The following PHF14 variants were observed in gnomAD, a reference collection of about 807,000 sequenced individuals.
PHF14 encodes the protein PHD finger protein 14.
In PHF14, 55 loss-of-function variants were observed where a neutral mutation model predicts 117.9. The observed-to-expected ratio is 0.47, with a 90% CI of 0.38 to 0.58. The LOEUF (loss-of-function observed/expected upper bound fraction) is 0.58. Among genes scored for constraint, PHF14 ranks in the 20% least tolerant of loss-of-function variants. The pLI is 0.00. For missense variants in PHF14, 978 were observed against 1,122.2 expected (o/e 0.87, Z 1.84); for synonymous variants, 409 against 368.6 (o/e 1.11, Z -1.26).
chr7:11,108,031 G>A (rs1787328306), intron 16 of PHF14: 1 of 151,610 alleles, frequency 6.6e-6, no homozygotes, highest in South Asian at 2.1e-4. Flanking sequence ...TTACAAAGTG[G>A]TATTTGTGTG....
chr7:10,980,818 T>C (rs1280473836), intron 2 of PHF14, among the ~76,000 whole-genome samples: 1 of 152,220 alleles, frequency 6.6e-6, no homozygotes, highest in Non-Finnish European at 1.5e-5. Flanking sequence ...TGTTCCATGT[T>C]ACCCTTGAAA....
At chr7:10,997,002 T>C (rs1782676847) in intron 4 of PHF14, among the ~76,000 whole-genome samples, 1 of 152,204 alleles carries the variant, frequency 6.6e-6, no homozygotes, top group African/African-American at 2.4e-5. Context: ...CTCAGGAATA[T>C]TGAGTTCTAA....
rs182289966 is a variant in PHF14 at position 11,122,518 on chromosome 7, T to C, written c.2772+11051T>C. ...CATATAAATTCTTCAGAACCCTATC[T>C]TTATGCCCTACAATTATTTCCCTTT... On this transcript the variant is annotated intron_variant, in intron 17 of 17. Coordinates refer to ENST00000634607, the MANE Select transcript of PHF14 (RefSeq NM_001007157.2). Among the ~76,000 whole-genome samples, 723 of 150,110 alleles carry C rather than the reference T, an allele frequency of 4.8e-3. 2 individuals carry two copies. Among genetic ancestry groups the C allele is most frequent in the Non-Finnish European group, 6.5e-3 (442 of 67,610 alleles).
intron 17 of PHF14, among the ~76,000 whole-genome samples, chr7:11,131,932 T>C (rs1788101082): frequency 6.6e-6 from 1 of 151,812 alleles, no homozygotes; most frequent in Non-Finnish European, 1.5e-5. Flanking sequence ...GTTACAACAA[T>C]GGACTACTGG....
At chr7:10,976,137 G>A (rs1191265700) in intron 2 of PHF14, among the ~76,000 whole-genome samples, 1 of 152,180 alleles carries the variant, frequency 6.6e-6, no homozygotes, top group Non-Finnish European at 1.5e-5. Context: ...CTGTTTATCT[G>A]CTTGGATCCC....
At chr7:11,049,083 C>T (rs949321988) in intron 13 of PHF14, among the ~76,000 whole-genome samples, 3 of 152,066 alleles carry the variant, frequency 2.0e-5, no homozygotes, top group East Asian at 3.8e-4. Context: ...CAAAACAAAA[C>T]AATGATTTAT....
At chr7:11,014,985 C>T (rs981184609) in intron 5 of PHF14, 2 of 140,184 alleles carry the variant, frequency 1.4e-5, no homozygotes, top group Non-Finnish European at 3.0e-5. Context: ...CACGCTCTGC[C>T]TCTTCCTCTC....
At chr7:11,029,634 A>G (rs1158833353) in intron 7 of PHF14, among the ~76,000 whole-genome samples, 2 of 152,152 alleles carry the variant, frequency 1.3e-5, no homozygotes, top group East Asian at 1.9e-4. Context: ...AAATTAATGA[A>G]TATTGCAAAA....
Position 10,982,636 on chromosome 7 carries a change from A to G in PHF14, c.377A>G (p.Glu126Gly). The G allele has an allele frequency of 6.5e-7, 1 of 1,548,134 alleles. No homozygotes were observed. Among genetic ancestry groups the G allele is most frequent in the Non-Finnish European group, 8.8e-7 (1 of 1,142,594 alleles). The change falls in exon 3 of 18, where the codon GAG becomes GGG. Residue 126 changes from glutamate (E) to glycine (G), a missense_variant. By Grantham distance (98) the Glu-to-Gly change is moderately conservative. This residue lies in a region of PHF14 where 414 missense variants were observed against 376.4 expected (regional missense o/e 1.10). Transcript: ENST00000634607. ...GAGAAGGAAAAAGAAAAGGAAAAGG[A>G]GAAAGAGAAGGAAAGAGAGAAGGAA... ...EKEKEKEKEK[E>G]KEKEREKEKE... is the part of the protein sequence containing the mutation.
intron 16 of PHF14, chr7:11,063,229 G>A: frequency 1.0e-6 from 1 of 984,464 alleles, no homozygotes; most frequent in Non-Finnish European, 1.2e-6. Flanking sequence ...TTTTGAGGTA[G>A]TTCATGTAGA....
chr7:11,066,263 C>T (rs1016973585), intron 16 of PHF14, among the ~76,000 whole-genome samples: 8 of 152,070 alleles, frequency 5.3e-5, no homozygotes, highest in African/African-American at 1.9e-4. Context: ...TCTCGTTATT[C>T]TGATTATAAT....
chr7:11,065,307 G>A (rs1203057237), intron 16 of PHF14, among the ~76,000 whole-genome samples: 2 of 152,062 alleles, frequency 1.3e-5, no homozygotes, highest in African/African-American at 4.8e-5. Context: ...GAATTGGGAA[G>A]TCTTAAAGGC....
intron 4 of PHF14, among the ~76,000 whole-genome samples, chr7:11,012,772 A>G (rs972054605): frequency 6.6e-5 from 10 of 152,196 alleles, no homozygotes; most frequent in African/African-American, 2.2e-4. Context: ...AGAGAATGAC[A>G]TATTGTTTTC....
chr7:11,070,744 G>A (rs1453177210), intron 16 of PHF14, among the ~76,000 whole-genome samples: 1 of 152,198 alleles, frequency 6.6e-6, no homozygotes, highest in East Asian at 1.9e-4. Context: ...GGTGAGTATA[G>A]CATCTGGACC....
intron 16 of PHF14, among the ~76,000 whole-genome samples, chr7:11,076,138 A>G (rs1279876844): frequency 9.2e-5 from 14 of 152,162 alleles, no homozygotes; most frequent in Non-Finnish European, 1.9e-4. Context: ...AAGTTGCGTA[A>G]CTAGAAAGTG....
intron 4 of PHF14, among the ~76,000 whole-genome samples, chr7:10,993,988 G>T (rs111598244): frequency 0.015 from 2,208 of 148,318 alleles, 43 homozygotes; most frequent in African/African-American, 0.053. Flanking sequence ...TGGCCTGGGT[G>T]ACAGAGGGTG....
chr7:11,092,493 A>G (rs1240716283), intron 16 of PHF14, among the ~76,000 whole-genome samples: 4 of 152,210 alleles, frequency 2.6e-5, no homozygotes, highest in African/African-American at 7.2e-5. Context: ...ATACAAAAAT[A>G]TCACCTATAG....
chr7:11,004,246 CAAAAAA>C (rs55917513), intron 4 of PHF14, among the ~76,000 whole-genome samples: 2 of 51,260 alleles, frequency 3.9e-5, no homozygotes, highest in Non-Finnish European at 7.7e-5. Context: ...GACTTTGTCT[CAAAAAA>C]AAAAAAAAAA....
At position 10,991,380 on chromosome 7, in the gene PHF14, A is replaced by G. The variant is rs577739720; in HGVS notation, c.1045+533A>G. ...TTTAGTAGAGATGGAGTTTCACCATATTGGTCAGGCTGGTCTTGAACTCCT... is the reference window on the plus strand; with the variant it reads ...TTTAGTAGAGATGGAGTTTCACCATGTTGGTCAGGCTGGTCTTGAACTCCT... On this transcript the variant is annotated intron_variant, in intron 4 of 17. Coordinates refer to ENST00000634607, the MANE Select transcript of PHF14 (RefSeq NM_001007157.2). 1.6e-4 allele frequency among the ~76,000 whole-genome samples: 24 copies of G among 151,906 alleles called. No homozygotes were observed. In the South Asian group the frequency reaches 3.9e-3, roughly 25 times the overall value.
Sources: allele counts gnomAD v4.1 joint callset (sites outside exome capture counted in the v4.1 genomes callset), GRCh38; gene constraint gnomAD v4.1.1; regional missense constraint gnomAD v4.1.1; transcripts MANE v1.5; gene names NCBI Gene and HGNC (gene_info 2026-07-23, HGNC 2026-07-21).